COPG2: variants seen among roughly 807,000 people sequenced by gnomAD.
COPG2 encodes coat protein complex I subunit gamma 2.
In COPG2, 37 loss-of-function variants were observed where a neutral mutation model predicts 46.3. The ratio of observed to expected loss-of-function variants is 0.80; its 90% CI spans 0.61 to 1.05. COPG2 has a LOEUF of 1.05. Ranked by LOEUF, COPG2 falls within the 50% of genes least tolerant of loss-of-function variation. The pLI is 0.00. For missense variants in COPG2, 427 were observed against 387.8 expected, an observed-to-expected ratio of 1.10 and a Z score of -0.85; for synonymous variants, 159 against 129.7, an observed-to-expected ratio of 1.23 and a Z score of -1.53.
chr7:130,573,999 G>A (rs1311252689), intron 9 of COPG2, among the ~76,000 whole-genome samples: 1 of 152,058 alleles, frequency 6.6e-6, no homozygotes, highest in Non-Finnish European at 1.5e-5. Context: ...AGAAATCTTT[G>A]CAAGAAAATG....
intron 5 of COPG2, among the ~76,000 whole-genome samples, chr7:130,647,992 A>G (rs1554458539): frequency 6.6e-6 from 1 of 152,100 alleles, no homozygotes; most frequent in Non-Finnish European, 1.5e-5. Flanking sequence ...GGCCTCCCAA[A>G]GTGCTGGGAT....
intron 9 of COPG2, chr7:130,604,631 C>T (rs1017587661): frequency 1.8e-5 from 8 of 450,274 alleles, no homozygotes; most frequent in South Asian, 3.4e-5. Flanking sequence ...TATAGTGTTA[C>T]GTCCTCCTTT....
chr7:130,566,573 T>A (rs1292725092), intron 9 of COPG2, among the ~76,000 whole-genome samples: 1 of 152,198 alleles, frequency 6.6e-6, no homozygotes, highest in African/African-American at 2.4e-5. Flanking sequence ...GCAGGTTTTA[T>A]GTCCAGCATA....
At chr7:130,527,634 T>C (rs1364945417) in intron 20 of COPG2, among the ~76,000 whole-genome samples, 1 of 152,110 alleles carries the variant, frequency 6.6e-6, no homozygotes, top group African/African-American at 2.4e-5. Flanking sequence ...AAGATGCTTC[T>C]GATAGGCCGC....
At chr7:130,664,350 T>C (rs1229413344) in intron 3 of COPG2, among the ~76,000 whole-genome samples, 1 of 152,234 alleles carries the variant, frequency 6.6e-6, no homozygotes, top group Non-Finnish European at 1.5e-5. Context: ...AATAAGTTTA[T>C]ACTTACTTAA....
chr7:130,622,914 C>A (rs782298402), intron 5 of COPG2, among the ~76,000 whole-genome samples: 1 of 152,152 alleles, frequency 6.6e-6, no homozygotes, highest in Non-Finnish European at 1.5e-5. Flanking sequence ...CTTTCTGCCA[C>A]CATTATACAG....
At chr7:130,531,403 C>T (rs935370850) in intron 20 of COPG2, among the ~76,000 whole-genome samples, 1 of 151,952 alleles carries the variant, frequency 6.6e-6, no homozygotes, top group Non-Finnish European at 1.5e-5. Flanking sequence ...TTATGTGGAT[C>T]AAAAGGGAAG....
At chr7:130,634,620 G>C (rs920554463) in intron 5 of COPG2, among the ~76,000 whole-genome samples, 1 of 152,196 alleles carries the variant, frequency 6.6e-6, no homozygotes, top group Non-Finnish European at 1.5e-5. Context: ...TTCGGGCTGA[G>C]ATGATGGGGT....
At chr7:130,603,691 G>T in intron 9 of COPG2, 1 of 372,130 alleles carries the variant, frequency 2.7e-6, no homozygotes, top group Non-Finnish European at 5.2e-6. Context: ...ATTACACTCT[G>T]GCCTGGGCAA....
chr7:130,614,326 A>G (rs1452038781), intron 6 of COPG2, among the ~76,000 whole-genome samples: 1 of 152,214 alleles, frequency 6.6e-6, no homozygotes, highest in African/African-American at 2.4e-5. Context: ...AACAATCACA[A>G]CAGAACAACA....
At chr7:130,614,445 A>G (rs1317242735) in intron 6 of COPG2, among the ~76,000 whole-genome samples, 6 of 152,180 alleles carry the variant, frequency 3.9e-5, no homozygotes, top group South Asian at 2.1e-4. Flanking sequence ...GGTTACAAAC[A>G]TACACCTAAA....
At chr7:130,521,866 T>C (rs1394261066) in intron 20 of COPG2, among the ~76,000 whole-genome samples, 2 of 151,698 alleles carry the variant, frequency 1.3e-5, no homozygotes, top group South Asian at 4.2e-4. Flanking sequence ...AAGGGTGAGG[T>C]AGAAAAGAAG....
intron 5 of COPG2, among the ~76,000 whole-genome samples, chr7:130,642,759 A>G (rs900039767): frequency 6.6e-6 from 1 of 152,220 alleles, no homozygotes; most frequent in Non-Finnish European, 1.5e-5. Flanking sequence ...ACAGTAGCTC[A>G]CGCCTGTAAG....
At chr7:130,554,984 A>G in intron 13 of COPG2, 53 bp downstream of exon 13, 1 of 398,286 alleles carries the variant, frequency 2.5e-6, no homozygotes, top group Non-Finnish European at 4.4e-6. Flanking sequence ...TTTCATGGCA[A>G]TCCTAAGAAT....
intron 5 of COPG2, among the ~76,000 whole-genome samples, chr7:130,652,548 T>A (rs1318930435): frequency 1.3e-5 from 2 of 152,224 alleles, no homozygotes; most frequent in Admixed American, 1.3e-4. Context: ...TCTTTATATA[T>A]TACAGATGCT....
chr7:130,621,943 C>CAA (rs562107230), intron 5 of COPG2, among the ~76,000 whole-genome samples: 299 of 65,934 alleles, frequency 4.5e-3, no homozygotes, highest in Middle Eastern at 7.8e-3. Flanking sequence ...GACTCCATCT[C>CAA]AAAAAAAAAA....
chr7:130,662,253 T>C (rs1295464945), intron 4 of COPG2, among the ~76,000 whole-genome samples: 1 of 152,198 alleles, frequency 6.6e-6, no homozygotes, highest in Non-Finnish European at 1.5e-5. Context: ...CCTCTCATTA[T>C]TTAGATCCAT....
intron 5 of COPG2, among the ~76,000 whole-genome samples, chr7:130,620,401 A>C (rs1429697945): frequency 6.6e-6 from 1 of 152,184 alleles, no homozygotes; most frequent in Non-Finnish European, 1.5e-5. Flanking sequence ...GCTGTAACAT[A>C]AAAACAGCCA....
intron 9 of COPG2, among the ~76,000 whole-genome samples, chr7:130,588,401 G>T (rs1213281579): frequency 6.6e-5 from 10 of 151,812 alleles, no homozygotes; most frequent in Admixed American, 5.9e-4. Context: ...CAACCCAAAT[G>T]TCCAACAATG....
Sources: gnomAD v4.1 joint callset for allele counts (sites outside exome capture counted in the v4.1 genomes callset) on GRCh38, gnomAD v4.1.1 for gene constraint, MANE v1.5 for transcripts, NCBI Gene and HGNC (gene_info 2026-07-23, HGNC 2026-07-21) for gene names.